EP400: variants seen among roughly 807,000 people sequenced by gnomAD.
EP400 encodes the protein E1A-binding protein p400.
In EP400, 105 loss-of-function variants were observed where a neutral mutation model predicts 354.1. The observed-to-expected ratio is 0.30, with a 90% CI of 0.25 to 0.35. EP400 has a LOEUF of 0.35. EP400 is among the 10% of genes least tolerant of loss of function. The probability of loss-of-function intolerance (pLI) is 1.00; values close to 1 mark genes in which losing one functional copy is unlikely to be tolerated. For synonymous variants in EP400, 1,646 were observed against 1,716.9 expected, an observed-to-expected ratio of 0.96 and a Z score of 1.02; for missense variants, 3,280 against 4,121.0, an observed-to-expected ratio of 0.80 and a Z score of 5.59.
chr12:132,062,200 G>A lies in EP400; in HGVS notation c.7975G>A (p.Val2659Met), dbSNP rs1322416224. The A allele has an allele frequency of 2.5e-6, 4 of 1,614,144 alleles. No individual in the cohort carries two copies. The highest frequency in any genetic ancestry group is 2.2e-5 in the South Asian group (2 of 91,078). The change falls in exon 46 of 53, where the codon GTG becomes ATG. Residue 2659 changes from valine (V) to methionine (M), a missense_variant. Val to Met is a conservative substitution (Grantham distance 21). Around this residue, in one of 20 missense-constraint regions of EP400, gnomAD observed 255 missense variants for 295.9 expected, o/e 0.86. Coordinates refer to ENST00000389561, the MANE Select transcript of EP400 (RefSeq NM_015409.5). ...CCCAGCCACGGCGACCCCTGACCTG[G>A]TGTCCATGGCAACGACTCAGGGTGT... ...GSPATATPDLVSMATTQGVRA... is the reference protein window; with the variant it reads ...GSPATATPDLMSMATTQGVRA...
chr12:131,960,924 C>T lies in EP400; in HGVS notation c.305C>T (p.Pro102Leu). ...APLPLPSPTS[P>L]GFQFSAQPRR... The stretch of plus-strand genomic sequence containing the variant: ...CTGCCGCTCCCCAGCCCCACCTCTC[C>T]AGGCTTCCAGTTCAGCGCTCAGCCT... The change falls in exon 2 of 53, where the codon CCA becomes CTA. Residue 102 changes from proline to leucine, a missense_variant. This residue lies in a region of EP400 where 172 missense variants were observed against 242.9 expected (regional missense o/e 0.71). Transcript: ENST00000389561. 2.5e-6 allele frequency: 4 copies of T among 1,613,796 alleles called. No individual in the cohort carries two copies. In the South Asian group the frequency reaches 3.3e-5, roughly 13 times the overall value.
At position 132,019,994 on chromosome 12, in the gene EP400, T is replaced by A. The variant is rs925029988; in HGVS notation, c.4278-55T>A. ...AACCCCGGCTCCATGAGGTGGCCTGTCCTCTCTGTGGTCTGATGCTCTGTA... is the reference window on the plus strand; with the variant it reads ...AACCCCGGCTCCATGAGGTGGCCTGACCTCTCTGTGGTCTGATGCTCTGTA... On this transcript the variant is annotated intron_variant, in intron 21 of 52. Transcript: ENST00000389561. The A allele has an allele frequency of 2.1e-6, 3 of 1,452,076 alleles. No individual in the cohort carries two copies. In the African/African-American group the frequency reaches 4.4e-5, roughly 21 times the overall value. The allele number at this position is 1,452,076 out of a possible 1,614,324, so 89.9% of individuals were successfully genotyped here.
intron 50 of EP400, chr12:132,068,276 C>G (rs987644386): frequency 2.0e-5 from 3 of 152,616 alleles, no homozygotes; most frequent in East Asian, 3.9e-4. Flanking sequence ...GGGAGCTGCC[C>G]TGTTCCCTGA....
In EP400 at chr12:132,017,575, C is replaced by G; in HGVS notation, c.3964C>G (p.Leu1322Val). 6.2e-7 allele frequency: 1 copy of G among 1,614,044 alleles called. No individual in the cohort carries two copies. The highest frequency in any genetic ancestry group is 8.5e-7 in the Non-Finnish European group (1 of 1,179,972). The change falls in exon 20 of 53, where the codon CTG becomes GTG. Residue 1322 changes from leucine to valine, a missense_variant. Transcript: ENST00000389561. This position sits in a 1 kb window ranked among gnomAD's most constrained non-coding sequence, Gnocchi z 5.0. ...GAAGAGCGGGCACTTTGTCAACGTCCTGAGCATCCTTGTGCGGCTGCAGCG... is the reference window on the plus strand; with the variant it reads ...GAAGAGCGGGCACTTTGTCAACGTCGTGAGCATCCTTGTGCGGCTGCAGCG... ...ALKSGHFVNV[L>V]SILVRLQRIC...
In EP400 at chr12:132,021,181, A is replaced by G. The variant is rs1331150194; in HGVS notation, c.4550A>G (p.Lys1517Arg). The G allele has an allele frequency of 1.2e-6, 2 of 1,600,960 alleles. No homozygotes were observed. Among genetic ancestry groups the G allele is most frequent in the African/African-American group, 1.3e-5 (1 of 74,894 alleles). Residue 1517 changes from lysine (K) to arginine (R), a missense_variant, in exon 23 of 53, where the codon AAA becomes AGA. By Grantham distance (26) the Lys-to-Arg change is conservative (BLOSUM62 2). Around this residue, in one of 20 missense-constraint regions of EP400, gnomAD observed 342 missense variants for 342.7 expected, o/e 1.00. Transcript: ENST00000389561. Reference sequence around the variant, plus strand: ...GCCGCTAGCCCGGCCCATCCTGCGAAACTGCGGGCCCAGACCACAGCACAG... The same window carrying G: ...GCCGCTAGCCCGGCCCATCCTGCGAGACTGCGGGCCCAGACCACAGCACAG... ...STAASPAHPA[K>R]LRAQTTAQAS...
intron 15 of EP400, among the ~76,000 whole-genome samples, chr12:132,008,097 C>T (rs982735742): frequency 5.3e-5 from 8 of 152,058 alleles, no homozygotes; most frequent in African/African-American, 1.7e-4. Flanking sequence ...TATAGGCATG[C>T]GCCACCACAC....
At chr12:131,997,596 T>C (rs974525411) in intron 12 of EP400, among the ~76,000 whole-genome samples, 4 of 152,182 alleles carry the variant, frequency 2.6e-5, no homozygotes, top group African/African-American at 9.7e-5. Flanking sequence ...CGTACTGTAT[T>C]CTTACAACAA....
chr12:132,048,457 A>G (rs1423776041), intron 39 of EP400, among the ~76,000 whole-genome samples: 4 of 151,784 alleles, frequency 2.6e-5, no homozygotes, highest in East Asian at 1.9e-4. Context: ...GTCTTCTTTT[A>G]TAGCTGATTT....
intron 1 of EP400, among the ~76,000 whole-genome samples, chr12:131,953,892 C>G (rs1891602922): frequency 6.6e-6 from 1 of 151,208 alleles, no homozygotes; most frequent in South Asian, 2.1e-4. Context: ...GCAGGTGGAT[C>G]ATATGAGATC....
chr12:132,037,637 T>C lies in EP400; in HGVS notation c.5952-45T>C, dbSNP rs77572343. Reference sequence around the variant, plus strand: ...ATGCTGTGCCCACCTGTTGTCACTGTGTTTCCTGGTGACTGACTTAGCATC... The same window carrying C: ...ATGCTGTGCCCACCTGTTGTCACTGCGTTTCCTGGTGACTGACTTAGCATC... On this transcript the variant is annotated intron_variant, in intron 30 of 52. Transcript: ENST00000389561. 21 of 1,500,436 alleles carry C rather than the reference T, an allele frequency of 1.4e-5. No individual in the cohort carries two copies. The East Asian group carries it at 4.7e-4, about 34-fold the overall frequency. 92.9% of individuals were successfully genotyped at this position (1,500,436 alleles called of 1,614,324 possible).
Position 132,013,387 on chromosome 12 carries a change from T to C in EP400, c.3612-103T>C, listed in dbSNP as rs1893826602. ...GGCATGTGCACGTTGACATTTGCGG[T>C]GTCAAATTACTGTCCCTTTTCTCAC... On this transcript the variant is annotated intron_variant, in intron 17 of 52. Transcript: ENST00000389561. This position sits in a 1 kb window ranked among gnomAD's most constrained non-coding sequence, Gnocchi z 4.5. The C allele has an allele frequency of 6.9e-7, 1 of 1,445,250 alleles. No individual in the cohort carries two copies. Among genetic ancestry groups the C allele is most frequent in the African/African-American group, 1.4e-5 (1 of 70,566 alleles). 89.5% of individuals were successfully genotyped at this position (1,445,250 alleles called of 1,614,324 possible).
chr12:132,022,333 A>G (rs930192182), intron 23 of EP400, among the ~76,000 whole-genome samples: 2 of 152,154 alleles, frequency 1.3e-5, no homozygotes, highest in Non-Finnish European at 2.9e-5. Context: ...AACAAGGAGG[A>G]TTGTTGAGAG....
intron 2 of EP400, 47 bp downstream of exon 2, chr12:131,962,001 C>T (rs2136467075): frequency 6.4e-7 from 1 of 1,556,282 alleles, no homozygotes; most frequent in Non-Finnish European, 8.7e-7. Flanking sequence ...TCTAGATGAT[C>T]AGAGTCTATG....
intron 10 of EP400, among the ~76,000 whole-genome samples, chr12:131,991,801 G>A (rs1368972685): frequency 6.6e-6 from 1 of 151,780 alleles, no homozygotes; most frequent in East Asian, 1.9e-4. Flanking sequence ...TGCCCAGGCT[G>A]GTCTCAAACT....
In EP400 at chr12:131,982,450, A is replaced by G; in HGVS notation, c.1901A>G (p.Gln634Arg). The G allele has an allele frequency of 6.2e-7, 1 of 1,611,014 alleles. No homozygotes were observed. The highest frequency in any genetic ancestry group is 1.7e-4 in the Middle Eastern group (1 of 6,054). The change falls in exon 5 of 53, where the codon CAG becomes CGG. Residue 634 changes from glutamine to arginine, a missense_variant. Transcript: ENST00000389561. ...CCCACACCTGGAAAGGTGCAGGTGCAGGCCTCTCAGCTTTCCTCCCTGCCA... is the reference window on the plus strand; with the variant it reads ...CCCACACCTGGAAAGGTGCAGGTGCGGGCCTCTCAGCTTTCCTCCCTGCCA... ...HVPTPGKVQV[Q>R]ASQLSSLPQM...
At chr12:131,992,778 G>A (rs982405495) in intron 11 of EP400, among the ~76,000 whole-genome samples, 4 of 152,204 alleles carry the variant, frequency 2.6e-5, no homozygotes, top group African/African-American at 7.2e-5. Flanking sequence ...GGAGTAGAGA[G>A]GTTGGAGAAA....
intron 19 of EP400, 129 bp downstream of exon 19, chr12:132,014,042 A>G: frequency 7.7e-7 from 1 of 1,290,622 alleles, no homozygotes; most frequent in South Asian, 1.5e-5. Context: ...AGACCGAGGC[A>G]CCCTCCTGGG....
At chr12:132,048,396 G>A (rs1195440612) in intron 39 of EP400, among the ~76,000 whole-genome samples, 1 of 152,156 alleles carries the variant, frequency 6.6e-6, no homozygotes, top group African/African-American at 2.4e-5. Context: ...CTTCTGCCAT[G>A]GCTTCGGCCA....
At position 132,017,509 on chromosome 12, in the gene EP400, C is replaced by T; in HGVS notation, c.3924-26C>T. On this transcript the variant is annotated intron_variant, in intron 19 of 52. Transcript: ENST00000389561. The surrounding 1 kb of genome is among the most constrained non-coding windows in gnomAD (Gnocchi z 5.0). Reference sequence around the variant, plus strand: ...GTCCATGTGCCGTTTGGATTGAATGCTTCGTGTTTCTTTCTCCACGGGCAG... The same window carrying T: ...GTCCATGTGCCGTTTGGATTGAATGTTTCGTGTTTCTTTCTCCACGGGCAG... 1 of 1,610,580 alleles carries T rather than the reference C, an allele frequency of 6.2e-7. No individual in the cohort carries two copies. Among genetic ancestry groups the T allele is most frequent in the Non-Finnish European group, 8.5e-7 (1 of 1,178,498 alleles).
Sources: gnomAD v4.1 joint callset for allele counts (sites outside exome capture counted in the v4.1 genomes callset) on GRCh38, gnomAD v4.1.1 for gene constraint, gnomAD v4.1.1 regional missense constraint, Gnocchi (gnomAD v3.1) non-coding constraint, MANE v1.5 for transcripts, NCBI Gene and HGNC (gene_info 2026-07-23, HGNC 2026-07-21) for gene names.